CSNK2A2IP: variants seen among roughly 807,000 people sequenced by gnomAD.
CSNK2A2IP encodes the protein casein kinase 2 subunit alpha' interacting protein.
the CSNK2A2IP span, among the ~76,000 whole-genome samples, chr3:88,387,134 C>T: frequency 2.0e-5 from 3 of 150,592 alleles, no homozygotes; most frequent in African/African-American, 7.3e-5. Flanking sequence ...AACCACTATC[C>T]TTTAAATATA....
the CSNK2A2IP span, among the ~76,000 whole-genome samples, chr3:88,441,126 A>G: frequency 1.3e-5 from 2 of 152,210 alleles, no homozygotes; most frequent in Non-Finnish European, 2.9e-5. Flanking sequence ...ATAGTACTCT[A>G]TATTAGCAAA....
the CSNK2A2IP span, among the ~76,000 whole-genome samples, chr3:88,416,132 G>T: frequency 2.3e-4 from 35 of 151,882 alleles, no homozygotes; most frequent in African/African-American, 7.8e-4. Context: ...TTAGCCTGGT[G>T]TGGTGGCACG....
the CSNK2A2IP span, among the ~76,000 whole-genome samples, chr3:88,446,029 CTTTTCTTT>C: frequency 1.2e-4 from 4 of 33,186 alleles, no homozygotes; most frequent in African/African-American, 3.1e-4. Flanking sequence ...TTCTTTGTTT[CTTTTCTTT>C]CTTTCTTTCT....
chr3:88,397,935 T>G, the CSNK2A2IP span, among the ~76,000 whole-genome samples: 1 of 152,114 alleles, frequency 6.6e-6, no homozygotes, highest in East Asian at 1.9e-4. Context: ...ATCCTTAATC[T>G]GGGAGCTGAG....
the CSNK2A2IP span, among the ~76,000 whole-genome samples, chr3:88,447,542 T>C: frequency 1.3e-5 from 2 of 152,044 alleles, no homozygotes; most frequent in Admixed American, 6.5e-5. Context: ...TAAGGGAAAA[T>C]TATGGGCTAT....
the CSNK2A2IP span, chr3:88,467,002 A>G: frequency 8.2e-7 from 1 of 1,218,262 alleles, no homozygotes; most frequent in South Asian, 4.2e-5. Context: ...CCCTGAAGAC[A>G]ACCTTGAAGG....
the CSNK2A2IP span, chr3:88,465,437 C>T: frequency 1.5e-5 from 18 of 1,231,686 alleles, no homozygotes; most frequent in African/African-American, 2.6e-4. Flanking sequence ...AATACATTAA[C>T]ACATCAACAT....
the CSNK2A2IP span, among the ~76,000 whole-genome samples, chr3:88,393,333 C>T: frequency 4.6e-5 from 7 of 152,012 alleles, no homozygotes; most frequent in South Asian, 2.1e-4. Flanking sequence ...ACTATAAGTA[C>T]GGAGAAAGTG....
chr3:88,418,455 TGTGTGTGTGCGCGCGGGC>T, the CSNK2A2IP span, among the ~76,000 whole-genome samples: 1 of 119,306 alleles, frequency 8.4e-6, no homozygotes, highest in Non-Finnish European at 1.7e-5. Context: ...TGTGTGTGTG[TGTGTGTGTGCGCGCGGGC>T]GTGTGTTCTC....
the CSNK2A2IP span, among the ~76,000 whole-genome samples, chr3:88,451,608 T>G: frequency 2.0e-5 from 3 of 151,980 alleles, no homozygotes; most frequent in African/African-American, 7.2e-5. Context: ...TTTTTTCACC[T>G]TTGTTTCTTT....
At chr3:88,453,426 G>A in the CSNK2A2IP span, among the ~76,000 whole-genome samples, 1 of 152,070 alleles carries the variant, frequency 6.6e-6, no homozygotes, top group Non-Finnish European at 1.5e-5. Context: ...AAGTTAAGTA[G>A]AAGCTGCTAG....
At chr3:88,400,792 A>G in the CSNK2A2IP span, among the ~76,000 whole-genome samples, 1 of 152,200 alleles carries the variant, frequency 6.6e-6, no homozygotes, top group Non-Finnish European at 1.5e-5. Flanking sequence ...GGAAGATAAT[A>G]AATTTGTGTT....
At chr3:88,377,336 A>C in the CSNK2A2IP span, among the ~76,000 whole-genome samples, 1 of 151,688 alleles carries the variant, frequency 6.6e-6, no homozygotes, top group Admixed American at 6.6e-5. Context: ...TTTTATCTCT[A>C]TCTTTTCTTT....
chr3:88,368,474 G>A, the CSNK2A2IP span, among the ~76,000 whole-genome samples: 1 of 151,978 alleles, frequency 6.6e-6, no homozygotes, highest in African/African-American at 2.4e-5. Context: ...GACAAATTAA[G>A]ATTTGGAGAA....
chr3:88,465,423 A>G, the CSNK2A2IP span: 9 of 1,231,686 alleles, frequency 7.3e-6, 1 homozygote, highest in East Asian at 2.8e-4. Context: ...AACTGTCCTC[A>G]GCCAATACAT....
At chr3:88,465,150 A>G in the CSNK2A2IP span, 1 of 389,770 alleles carries the variant, frequency 2.6e-6, no homozygotes. Context: ...ATAATCTCAA[A>G]TGGTGACAAT....
At chr3:88,447,269 C>T in the CSNK2A2IP span, among the ~76,000 whole-genome samples, 10 of 152,038 alleles carry the variant, frequency 6.6e-5, no homozygotes, top group South Asian at 4.2e-4. Context: ...AAGCAAGAGG[C>T]CATGGGATAG....
chr3:88,444,734 C>T, the CSNK2A2IP span, among the ~76,000 whole-genome samples: 1 of 152,268 alleles, frequency 6.6e-6, no homozygotes, highest in Admixed American at 6.5e-5. Flanking sequence ...ATGAATCAAA[C>T]AATATGAAGG....
At chr3:88,428,027 G>A in the CSNK2A2IP span, among the ~76,000 whole-genome samples, 1 of 152,156 alleles carries the variant, frequency 6.6e-6, no homozygotes, top group Non-Finnish European at 1.5e-5. Context: ...GCAGCCAGAA[G>A]GGGGGCTGTG....
Sources: gnomAD v4.1 joint callset for allele counts (sites outside exome capture counted in the v4.1 genomes callset) on GRCh38, gnomAD v4.1.1 for gene constraint, MANE v1.5 for transcripts, NCBI Gene and HGNC (gene_info 2026-07-23, HGNC 2026-07-21) for gene names.